RBMS3: variants seen among roughly 807,000 people sequenced by gnomAD.
RBMS3 encodes the protein RNA-binding motif, single-stranded-interacting protein 3.
In RBMS3, 27 loss-of-function variants were observed where a neutral mutation model predicts 66.8. The ratio of observed to expected loss-of-function variants is 0.40; its 90% CI spans 0.30 to 0.56. The LOEUF (loss-of-function observed/expected upper bound fraction) is 0.56, where lower values mean the gene tolerates loss of function less well. Ranked by LOEUF, RBMS3 falls within the 20% of genes least tolerant of loss-of-function variation. RBMS3 has a pLI of 0.40. For synonymous variants in RBMS3, 188 were observed against 183.0 expected, an observed-to-expected ratio of 1.03 and a Z score of -0.22; for missense variants, 513 against 549.5, an observed-to-expected ratio of 0.93 and a Z score of 0.66.
At chr3:29,298,119 G>T (rs2033409474) in intron 1 of RBMS3, among the ~76,000 whole-genome samples, 1 of 151,794 alleles carries the variant, frequency 6.6e-6, no homozygotes, top group Admixed American at 6.6e-5. Context: ...AATCTCAAAG[G>T]TCTTCAAGCT....
At chr3:29,442,601 C>A (rs2041669259) in intron 2 of RBMS3, among the ~76,000 whole-genome samples, 1 of 152,022 alleles carries the variant, frequency 6.6e-6, no homozygotes, top group African/African-American at 2.4e-5. Flanking sequence ...ATCTGGAGCT[C>A]AGAGAGGTGG....
intron 6 of RBMS3, among the ~76,000 whole-genome samples, chr3:29,825,330 C>T (rs2058183146): frequency 6.6e-6 from 1 of 152,100 alleles, no homozygotes; most frequent in African/African-American, 2.4e-5. Flanking sequence ...AGCCACTGTG[C>T]CCAGCAGTTA....
At chr3:29,717,890 C>T (rs556054639) in intron 4 of RBMS3, among the ~76,000 whole-genome samples, 3 of 152,028 alleles carry the variant, frequency 2.0e-5, no homozygotes, top group South Asian at 2.1e-4. Context: ...TTGCTGCAAG[C>T]GTTTTGTATT....
intron 10 of RBMS3, among the ~76,000 whole-genome samples, chr3:29,913,563 C>T (rs1266861247): frequency 6.6e-6 from 1 of 151,928 alleles, no homozygotes; most frequent in Non-Finnish European, 1.5e-5. Context: ...GATTAGTCCT[C>T]ATCTATGTTA....
At chr3:29,747,116 T>C (rs987044568) in intron 5 of RBMS3, among the ~76,000 whole-genome samples, 1 of 152,178 alleles carries the variant, frequency 6.6e-6, no homozygotes, top group Admixed American at 6.5e-5. Flanking sequence ...TTCTGGCCAA[T>C]AGAAAAGTAA....
chr3:29,879,486 A>G (rs1013449181), intron 7 of RBMS3, among the ~76,000 whole-genome samples: 2 of 152,170 alleles, frequency 1.3e-5, no homozygotes, highest in Non-Finnish European at 2.9e-5. Flanking sequence ...ATTTGTGTGT[A>G]TTAGCTTCTT....
intron 4 of RBMS3, chr3:29,698,686 A>C (rs998395357): frequency 3.2e-5 from 28 of 887,242 alleles, no homozygotes; most frequent in Non-Finnish European, 3.6e-5. Flanking sequence ...AGTATTGAAA[A>C]TTCTGGAAAG....
At chr3:29,588,502 A>G (rs2047612046) in intron 4 of RBMS3, among the ~76,000 whole-genome samples, 1 of 152,068 alleles carries the variant, frequency 6.6e-6, no homozygotes, top group Non-Finnish European at 1.5e-5. Flanking sequence ...TGGTTTCTTC[A>G]TCTTCAGTTG....
At position 29,936,065 on chromosome 3, in the gene RBMS3, G is replaced by A. The variant is rs1279139607; in HGVS notation, c.940-21G>A. On this transcript the variant is annotated intron_variant, in intron 10 of 14. Coordinates refer to ENST00000383767, the MANE Select transcript of RBMS3 (RefSeq NM_001003793.3). Reference sequence around the variant, plus strand: ...TTCCTTGTAGGATATATTTTCAAATGGACATTGTATATGCTTGTAGGGTGC... The same window carrying A: ...TTCCTTGTAGGATATATTTTCAAATAGACATTGTATATGCTTGTAGGGTGC... The A allele has an allele frequency of 5.7e-6, 9 of 1,581,300 alleles. No homozygotes were observed. In the African/African-American group the frequency reaches 1.2e-4, roughly 21 times the overall value.
intron 4 of RBMS3, among the ~76,000 whole-genome samples, chr3:29,701,890 G>C (rs545708191): frequency 1.3e-5 from 2 of 151,506 alleles, no homozygotes; most frequent in Non-Finnish European, 2.9e-5. Context: ...GGCGCCGCCC[G>C]GTCCCATCGA....
chr3:29,483,996 A>G (rs2043233782), intron 2 of RBMS3, among the ~76,000 whole-genome samples: 1 of 152,232 alleles, frequency 6.6e-6, no homozygotes, highest in Admixed American at 6.5e-5. Context: ...CCCAGATTAC[A>G]AGACCAAGGA....
chr3:29,955,576 C>T (rs369305620), intron 12 of RBMS3, among the ~76,000 whole-genome samples: 22 of 151,970 alleles, frequency 1.4e-4, no homozygotes, highest in Non-Finnish European at 2.9e-4. Context: ...CCACTGGACC[C>T]GTGAAACAGC....
At chr3:29,474,408 A>G (rs2042874302) in intron 2 of RBMS3, among the ~76,000 whole-genome samples, 1 of 152,256 alleles carries the variant, frequency 6.6e-6, no homozygotes, top group Admixed American at 6.5e-5. Flanking sequence ...TATGTTTAGT[A>G]CAAGGGATTA....
At chr3:29,329,867 T>C (rs981739712) in intron 1 of RBMS3, among the ~76,000 whole-genome samples, 4 of 147,906 alleles carry the variant, frequency 2.7e-5, no homozygotes, top group Non-Finnish European at 1.5e-5. Context: ...ATTAACTATA[T>C]AATACATATT....
At chr3:29,989,106 G>C (rs1309118081) in intron 13 of RBMS3, among the ~76,000 whole-genome samples, 1 of 152,138 alleles carries the variant, frequency 6.6e-6, no homozygotes, top group Non-Finnish European at 1.5e-5. Context: ...AACCTGCACA[G>C]GTTTACAGCT....
chr3:29,488,178 C>T (rs1286210055), intron 2 of RBMS3, among the ~76,000 whole-genome samples: 1 of 152,202 alleles, frequency 6.6e-6, no homozygotes, highest in Non-Finnish European at 1.5e-5. Context: ...ATCACAATCA[C>T]ATGTGATCCT....
Position 29,434,692 on chromosome 3 carries a change from T to A in RBMS3, c.76-51T>A, listed in dbSNP as rs780642065. 5.1e-6 allele frequency: 8 copies of A among 1,576,138 alleles called. No homozygotes were observed. The African/African-American group carries it at 5.4e-5, about 11-fold the overall frequency. Reference sequence around the variant, plus strand: ...GATTTCAAGTTGTGCTGCTGGCCTGTGAATAGGTGCTGGCTTTTGTTTTTC... The same window carrying A: ...GATTTCAAGTTGTGCTGCTGGCCTGAGAATAGGTGCTGGCTTTTGTTTTTC... On this transcript the variant is annotated intron_variant, in intron 1 of 14. Coordinates refer to ENST00000383767, the MANE Select transcript of RBMS3 (RefSeq NM_001003793.3).
intron 4 of RBMS3, among the ~76,000 whole-genome samples, chr3:29,705,326 T>C (rs1559589935): frequency 1.3e-5 from 2 of 152,256 alleles, no homozygotes; most frequent in African/African-American, 4.8e-5. Context: ...ACATGGTCTA[T>C]AAAAGTGGCA....
chr3:29,475,972 C>T (rs1345415680), intron 2 of RBMS3, among the ~76,000 whole-genome samples: 1 of 152,068 alleles, frequency 6.6e-6, no homozygotes, highest in Non-Finnish European at 1.5e-5. Flanking sequence ...TTCCTTCAGC[C>T]CATGACCCTC....
Sources: gnomAD v4.1 joint callset for allele counts (sites outside exome capture counted in the v4.1 genomes callset) on GRCh38, gnomAD v4.1.1 for gene constraint, MANE v1.5 for transcripts, NCBI Gene and HGNC (gene_info 2026-07-23, HGNC 2026-07-21) for gene names.